TMEM132D: variants seen among roughly 807,000 people sequenced by gnomAD.
The protein encoded by TMEM132D is mature OL transmembrane protein.
TMEM132D carries 21 observed loss-of-function variants against 62.3 expected under a neutral mutation model. The ratio of observed to expected loss-of-function variants is 0.34; its 90% CI spans 0.24 to 0.49. The LOEUF (loss-of-function observed/expected upper bound fraction) is 0.49. Ranked by LOEUF, TMEM132D falls within the 20% of genes least tolerant of loss-of-function variation. The probability of loss-of-function intolerance (pLI) is 0.99; values close to 1 mark genes in which losing one functional copy is unlikely to be tolerated. For synonymous variants in TMEM132D, 621 were observed against 575.6 expected, an observed-to-expected ratio of 1.08 and a Z score of -1.13; for missense variants, 1,346 against 1,402.8, an observed-to-expected ratio of 0.96 and a Z score of 0.65.
At chr12:129,589,604 G>C (rs935007985) in intron 2 of TMEM132D, among the ~76,000 whole-genome samples, 2 of 152,090 alleles carry the variant, frequency 1.3e-5, no homozygotes, top group South Asian at 4.1e-4. Flanking sequence ...TAATACCCTA[G>C]AGAAAGAACA....
chr12:129,336,495 C>G (rs78837222), intron 4 of TMEM132D, among the ~76,000 whole-genome samples: 1 of 151,924 alleles, frequency 6.6e-6, no homozygotes, highest in Admixed American at 6.6e-5. Context: ...AGAATCAACC[C>G]CGGACGGCAA....
intron 3 of TMEM132D, among the ~76,000 whole-genome samples, chr12:129,462,450 A>T (rs1325675892): frequency 6.6e-6 from 1 of 152,216 alleles, no homozygotes; most frequent in Non-Finnish European, 1.5e-5. Flanking sequence ...ACAAAAAAAA[A>T]TTGTTACAAT....
rs1874156744 is a variant in TMEM132D at position 129,073,897 on chromosome 12, T to G, written c.3278A>C (p.Glu1093Ala). The G allele has an allele frequency of 6.5e-7, 1 of 1,548,836 alleles. No homozygotes were observed. Among genetic ancestry groups the G allele is most frequent in the African/African-American group, 1.4e-5 (1 of 72,350 alleles). ...GGCTTACACATTTTCATGTAACCTC[T>G]CCATGTAGTTGTGCAGCTCTTTGCA... ...GDCKELHNYMERLHENV is the reference protein window; with the variant it reads ...GDCKELHNYMARLHENV The change falls in exon 9 of 9, where the codon GAG becomes GCG. Residue 1093 changes from glutamate to alanine, a missense_variant. Glu to Ala is a moderately radical substitution (Grantham distance 107). Coordinates refer to ENST00000422113, the MANE Select transcript of TMEM132D (RefSeq NM_133448.3).
chr12:129,272,593 T>C (rs1184439835), intron 4 of TMEM132D, among the ~76,000 whole-genome samples: 1 of 151,822 alleles, frequency 6.6e-6, no homozygotes, highest in Non-Finnish European at 1.5e-5. Flanking sequence ...GGATGTCGTC[T>C]TTTGAGAAGT....
intron 2 of TMEM132D, among the ~76,000 whole-genome samples, chr12:129,617,064 T>TCTGG (rs1878939160): frequency 6.6e-6 from 1 of 152,212 alleles, no homozygotes; most frequent in Non-Finnish European, 1.5e-5. Context: ...AGTGCATTTC[T>TCTGG]CAGACTCCTG....
chr12:129,498,869 A>G (rs527512071), intron 3 of TMEM132D, among the ~76,000 whole-genome samples: 2 of 152,300 alleles, frequency 1.3e-5, no homozygotes, highest in East Asian at 3.9e-4. Flanking sequence ...TCCAAAAACA[A>G]CTAAAATTTG....
intron 3 of TMEM132D, 51 bp from the exon 4 acceptor site, chr12:129,337,868 G>C: frequency 6.5e-7 from 1 of 1,528,642 alleles, no homozygotes; most frequent in Non-Finnish European, 8.8e-7. Flanking sequence ...ATGAGGTATG[G>C]CACGCTTGGC....
At chr12:129,226,398 A>ATCTCAAGGGACAT (rs1879481717) in intron 4 of TMEM132D, among the ~76,000 whole-genome samples, 1 of 152,176 alleles carries the variant, frequency 6.6e-6, no homozygotes, top group Admixed American at 6.5e-5. Flanking sequence ...ACAGGTTAGG[A>ATCTCAAGGGACAT]CTTAAGAGGC....
intron 3 of TMEM132D, among the ~76,000 whole-genome samples, chr12:129,459,762 C>T (rs982297377): frequency 4.6e-5 from 7 of 152,228 alleles, no homozygotes; most frequent in Admixed American, 6.5e-5. Flanking sequence ...TATAACAGAT[C>T]AGAAATATTC....
intron 4 of TMEM132D, among the ~76,000 whole-genome samples, chr12:129,229,310 A>G (rs548746009): frequency 2.0e-5 from 3 of 152,376 alleles, no homozygotes; most frequent in Non-Finnish European, 4.4e-5. Context: ...TACACTCAGC[A>G]TATATCAAAG....
chr12:129,541,218 C>T (rs1876574008), intron 2 of TMEM132D, among the ~76,000 whole-genome samples: 1 of 152,142 alleles, frequency 6.6e-6, no homozygotes, highest in Admixed American at 6.5e-5. Flanking sequence ...GGAACACACG[C>T]AGGCAGGCAG....
At chr12:129,584,380 G>A (rs1877960474) in intron 2 of TMEM132D, among the ~76,000 whole-genome samples, 1 of 152,162 alleles carries the variant, frequency 6.6e-6, no homozygotes, top group Non-Finnish European at 1.5e-5. Context: ...TAAAAGAATA[G>A]CCTCCTTTCC....
At chr12:129,084,932 T>C in intron 5 of TMEM132D, 1 of 562,070 alleles carries the variant, frequency 1.8e-6, no homozygotes. Context: ...CTTCCTGGGG[T>C]CCCTGTGGCT....
At chr12:129,393,595 C>A (rs578239903) in intron 3 of TMEM132D, among the ~76,000 whole-genome samples, 1 of 152,186 alleles carries the variant, frequency 6.6e-6, no homozygotes, top group African/African-American at 2.4e-5. Context: ...CCTTAGGCTG[C>A]TGCTCAGAAA....
chr12:129,516,462 T>C (rs1328595903), intron 3 of TMEM132D, among the ~76,000 whole-genome samples: 2 of 152,078 alleles, frequency 1.3e-5, no homozygotes, highest in South Asian at 2.1e-4. Context: ...TGGCAGAAGG[T>C]GAAAGGCACA....
At chr12:129,533,814 G>A (rs919142767) in intron 2 of TMEM132D, among the ~76,000 whole-genome samples, 5 of 151,178 alleles carry the variant, frequency 3.3e-5, no homozygotes, top group African/African-American at 1.2e-4. Context: ...CAGAGACACA[G>A]AACATTTTCA....
intron 1 of TMEM132D, among the ~76,000 whole-genome samples, chr12:129,802,100 T>G (rs944055529): frequency 6.6e-6 from 1 of 150,748 alleles, no homozygotes; most frequent in Non-Finnish European, 1.5e-5. Context: ...TGGAACCAAG[T>G]TGGAAAACAC....
At chr12:129,519,087 A>G (rs1225149052) in intron 3 of TMEM132D, among the ~76,000 whole-genome samples, 1 of 152,136 alleles carries the variant, frequency 6.6e-6, no homozygotes, top group Admixed American at 6.6e-5. Flanking sequence ...CCCTTTAATT[A>G]TGTCTTACCT....
chr12:129,123,903 C>T (rs573611056), intron 5 of TMEM132D, among the ~76,000 whole-genome samples: 45 of 152,304 alleles, frequency 3.0e-4, no homozygotes, highest in African/African-American at 1.1e-3. Flanking sequence ...CCTTCAGCTT[C>T]CCTGTTCTTG....
Sources: gnomAD v4.1 joint callset for allele counts (sites outside exome capture counted in the v4.1 genomes callset) on GRCh38, gnomAD v4.1.1 for gene constraint, MANE v1.5 for transcripts, NCBI Gene and HGNC (gene_info 2026-07-23, HGNC 2026-07-21) for gene names.